CMIP: variants seen among roughly 807,000 people sequenced by gnomAD.
CMIP encodes C-Maf-inducing protein.
Under a neutral mutation model 97.3 loss-of-function variants are expected in CMIP, and 13 were observed. The ratio of observed to expected loss-of-function variants is 0.13; its 90% CI spans 0.09 to 0.21. The LOEUF (loss-of-function observed/expected upper bound fraction) is 0.21. Among genes scored for constraint, CMIP ranks in the 10% least tolerant of loss-of-function variants. The pLI is 1.00. For synonymous variants in CMIP, 538 were observed against 436.3 expected (o/e 1.23, Z -2.91); for missense variants, 847 against 1,024.9 (o/e 0.83, Z 2.37).
At chr16:81,660,797 C>G in intron 5 of CMIP, 87 bp from the exon 6 acceptor site, 1 of 1,394,844 alleles carries the variant, frequency 7.2e-7, no homozygotes, top group South Asian at 1.2e-5. Flanking sequence ...TTATTTTTTT[C>G]ACTTCACAAT....
intron 4 of CMIP, among the ~76,000 whole-genome samples, chr16:81,653,722 C>T (rs1048041740): frequency 3.9e-5 from 6 of 152,348 alleles, no homozygotes; most frequent in African/African-American, 1.4e-4. Flanking sequence ...AAGCCGTTCT[C>T]CTGCCACAGC....
chr16:81,631,353 TC>T (rs2092156210), intron 3 of CMIP: 1 of 152,170 alleles, frequency 6.6e-6, no homozygotes, highest in African/African-American at 2.4e-5. Context: ...TTTGGCCTCT[TC>T]CGTTGGAGCC....
At position 81,578,814 on chromosome 16, in the gene CMIP, T is replaced by A. The variant is rs2091246378; in HGVS notation, c.301-28753T>A. Among the ~76,000 whole-genome samples the A allele has an allele frequency of 2.0e-5, 3 of 152,218 alleles. No homozygotes were observed. In the South Asian group the frequency reaches 6.2e-4, roughly 31 times the overall value. On this transcript the variant is annotated intron_variant, in intron 1 of 20. Coordinates refer to ENST00000537098, the MANE Select transcript of CMIP (RefSeq NM_198390.3). ...GGCGTCGGAAAAGTTCCATGGCAGA[T>A]AAGCCCGTGCCATTGCAGGGAAGCC...
chr16:81,607,242 C>T (rs552412407), intron 1 of CMIP, among the ~76,000 whole-genome samples: 6 of 152,322 alleles, frequency 3.9e-5, no homozygotes, highest in South Asian at 2.1e-4. Context: ...TGAGGGATGG[C>T]GGGCTTCCAG....
intron 1 of CMIP, among the ~76,000 whole-genome samples, chr16:81,493,996 T>TA (rs912348559): frequency 3.9e-5 from 6 of 152,080 alleles, no homozygotes; most frequent in Non-Finnish European, 8.8e-5. Flanking sequence ...ATCTCTTAAT[T>TA]AAAAAAACAA....
At chr16:81,542,258 GC>G (rs1330577198) in intron 1 of CMIP, among the ~76,000 whole-genome samples, 1 of 152,188 alleles carries the variant, frequency 6.6e-6, no homozygotes, top group Non-Finnish European at 1.5e-5. Context: ...GAAAATGGGA[GC>G]CAAGTCTTTT....
At chr16:81,513,533 C>T (rs187347112) in intron 1 of CMIP, among the ~76,000 whole-genome samples, 209 of 152,328 alleles carry the variant, frequency 1.4e-3, no homozygotes, top group African/African-American at 4.9e-3. Flanking sequence ...TCTGCCGTGT[C>T]GGGGACACCT....
chr16:81,656,860 A>C (rs777497003), intron 4 of CMIP, among the ~76,000 whole-genome samples: 2 of 152,026 alleles, frequency 1.3e-5, no homozygotes, highest in Non-Finnish European at 1.5e-5. Context: ...GGCCTCAAGC[A>C]ATCCACACTC....
rs2090700601 is a variant in CMIP, at chr16:81,553,504, A to G, written c.301-54063A>G. On this transcript the variant is annotated intron_variant, in intron 1 of 20. Transcript: ENST00000537098. ...CGTCTGATGAAGAGCATATATTCCA[A>G]ACAGAGCCCACTGCCTGTCCCGGCG... 5.8e-5 allele frequency among the ~76,000 whole-genome samples: 7 copies of G among 121,582 alleles called. No individual in the cohort carries two copies. In the South Asian group the frequency reaches 1.9e-3, roughly 33 times the overall value. The allele number at this position is 121,582 out of a possible 152,430, so 79.8% of individuals were successfully genotyped here.
At chr16:81,641,108 G>A (rs1358425944) in intron 3 of CMIP, among the ~76,000 whole-genome samples, 1 of 152,200 alleles carries the variant, frequency 6.6e-6, no homozygotes, top group Admixed American at 6.5e-5. Context: ...AGATTCCCAG[G>A]CCTCGCCCAG....
At chr16:81,568,012 C>T (rs925027589) in intron 1 of CMIP, among the ~76,000 whole-genome samples, 1 of 143,344 alleles carries the variant, frequency 7.0e-6, no homozygotes, top group South Asian at 2.2e-4. Flanking sequence ...ACTGGATGAC[C>T]GTGAGCTTTT....
chr16:81,533,593 C>G (rs1442727904), intron 1 of CMIP, among the ~76,000 whole-genome samples: 1 of 152,126 alleles, frequency 6.6e-6, no homozygotes, highest in Non-Finnish European at 1.5e-5. Context: ...GTTCTCCTGT[C>G]TCAGCCTCCA....
intron 1 of CMIP, among the ~76,000 whole-genome samples, chr16:81,578,082 T>C (rs2091230982): frequency 6.6e-6 from 1 of 151,754 alleles, no homozygotes; most frequent in South Asian, 2.1e-4. Context: ...ATCACCTTCA[T>C]CACCACCATC....
At chr16:81,490,089 C>G (rs186297523) in intron 1 of CMIP, among the ~76,000 whole-genome samples, 102 of 152,272 alleles carry the variant, frequency 6.7e-4, no homozygotes, top group African/African-American at 2.4e-3. Flanking sequence ...GTGCCAGAGG[C>G]CTGTAGTGTC....
Position 81,614,301 on chromosome 16 carries a change from C to T in CMIP, c.427-6575C>T, listed in dbSNP as rs2091877809. On this transcript the variant is annotated intron_variant, in intron 2 of 20. Transcript: ENST00000537098. The surrounding 1 kb of genome is among the most constrained non-coding windows in gnomAD (Gnocchi z 5.3). The stretch of plus-strand genomic sequence containing the variant: ...GCATTCTAGGTGGCTGGAAGCGGCA[C>T]GGCATTGTTTCTAACTTGTGCTGTG... 1.3e-5 allele frequency among the ~76,000 whole-genome samples: 2 copies of T among 152,172 alleles called. No individual in the cohort carries two copies. The highest frequency in any genetic ancestry group is 6.5e-5 in the Admixed American group (1 of 15,282).
Position 81,645,518 on chromosome 16 carries a change from C to G in CMIP, c.478-6685C>G, listed in dbSNP as rs1177044424. 3.9e-6 allele frequency: 6 copies of G among 1,535,942 alleles called. No individual in the cohort carries two copies. The African/African-American group carries it at 6.8e-5, about 18-fold the overall frequency. On this transcript the variant is annotated intron_variant, in intron 3 of 20. Coordinates refer to ENST00000537098, the MANE Select transcript of CMIP (RefSeq NM_198390.3). ...GTCTCCCGTGGAGGAGCAACAGGCT[C>G]TGCTTTCCCTGGCCTGAGAACCCTG...
chr16:81,478,042 T>A (rs1464551755), intron 1 of CMIP, among the ~76,000 whole-genome samples: 1 of 152,146 alleles, frequency 6.6e-6, no homozygotes, highest in Non-Finnish European at 1.5e-5. Context: ...GGATTTTTAT[T>A]ATTGAGAAGG....
chr16:81,521,171 C>T (rs1057026590), intron 1 of CMIP, among the ~76,000 whole-genome samples: 3 of 152,170 alleles, frequency 2.0e-5, no homozygotes, highest in Admixed American at 6.5e-5. Context: ...TGTCACTGCC[C>T]GGTCGCCGTG....
In CMIP at chr16:81,624,937, T is replaced by C. The variant is rs576737154; in HGVS notation, c.477+4011T>C. 2.0e-5 allele frequency among the ~76,000 whole-genome samples: 3 copies of C among 152,294 alleles called. No individual in the cohort carries two copies. The East Asian group carries it at 5.8e-4, about 29-fold the overall frequency. Reference sequence around the variant, plus strand: ...TGTTCACACACGGTTGTAGCTCCCATGTTGGAGGAGTTTGCTCGGCAATGG... The same window carrying C: ...TGTTCACACACGGTTGTAGCTCCCACGTTGGAGGAGTTTGCTCGGCAATGG... On this transcript the variant is annotated intron_variant, in intron 3 of 20. Coordinates refer to ENST00000537098, the MANE Select transcript of CMIP (RefSeq NM_198390.3).
Sources: allele counts gnomAD v4.1 joint callset (sites outside exome capture counted in the v4.1 genomes callset), GRCh38; gene constraint gnomAD v4.1.1; non-coding constraint Gnocchi (gnomAD v3.1); transcripts MANE v1.5; gene names NCBI Gene and HGNC (gene_info 2026-07-23, HGNC 2026-07-21).